The following RNF144B variants were observed in gnomAD, a reference collection of about 807,000 sequenced individuals.
RNF144B encodes the protein ring finger protein 144B.
In RNF144B, 25 loss-of-function variants were observed where a neutral mutation model predicts 40.2. The ratio of observed to expected loss-of-function variants is 0.62; its 90% CI spans 0.45 to 0.87. RNF144B has a LOEUF of 0.87. Ranked by LOEUF, RNF144B falls within the 40% of genes least tolerant of loss-of-function variation. RNF144B has a pLI of 0.00. For synonymous variants in RNF144B, 145 were observed against 136.3 expected (o/e 1.06, Z -0.44); for missense variants, 365 against 373.7 (o/e 0.98, Z 0.19).
In RNF144B at chr6:18,410,080, A is replaced by G. The variant is rs1795004679; in HGVS notation, c.165+10381A>G. ...GCCAAAGTTTAATTCTTCAAACCAC[A>G]TATCAGAATGTAATAGGCTGGCCAA... is the stretch of plus-strand genomic sequence containing the variant. On this transcript the variant is annotated intron_variant, in intron 2 of 7. Transcript: ENST00000259939. The surrounding 1 kb of genome is among the most constrained non-coding windows in gnomAD (Gnocchi z 4.6). Among the ~76,000 whole-genome samples the G allele has an allele frequency of 6.6e-6, 1 of 152,222 alleles. No homozygotes were observed. Among genetic ancestry groups the G allele is most frequent in the African/African-American group, 2.4e-5 (1 of 41,458 alleles).
At chr6:18,397,706 A>C (rs1164875938) in intron 1 of RNF144B, among the ~76,000 whole-genome samples, 2 of 151,960 alleles carry the variant, frequency 1.3e-5, no homozygotes, top group Non-Finnish European at 2.9e-5. Flanking sequence ...CATGGACTTC[A>C]ACTCTCTTTT....
intron 2 of RNF144B, among the ~76,000 whole-genome samples, chr6:18,421,273 T>TACACACACAC (rs1170609706): frequency 8.8e-5 from 9 of 102,300 alleles, no homozygotes; most frequent in Non-Finnish European, 1.2e-4. Flanking sequence ...TTATATATTA[T>TACACACACAC]ACACACACAC....
chr6:18,396,512 C>G (rs1416270448), intron 1 of RNF144B: 16 of 985,070 alleles, frequency 1.6e-5, no homozygotes, highest in Non-Finnish European at 1.8e-5. Flanking sequence ...GCTATTCACA[C>G]CAGCTTTCTC....
chr6:18,402,097 T>C lies in RNF144B; in HGVS notation c.165+2398T>C, dbSNP rs1312688399. ...TGGATTTAATAAAGCTTTAACAATA[T>C]TCTGTCATTGTCCTGTCTTCTGTAA... On this transcript the variant is annotated intron_variant, in intron 2 of 7. Transcript: ENST00000259939. 6 of 87,992 alleles carry C rather than the reference T, an allele frequency of 6.8e-5. 3 individuals are homozygous for C. Among genetic ancestry groups the C allele is most frequent in the Non-Finnish European group, 1.6e-4 (6 of 37,378 alleles). The allele number at this position is 87,992 out of a possible 1,614,324, so 5.5% of individuals were successfully genotyped here. A position where few individuals can be genotyped will look rare whatever the true frequency, so the allele number is the denominator to read the frequency against.
In RNF144B at chr6:18,422,242, G is replaced by T. The variant is rs9477739; in HGVS notation, c.166-5339G>T. ...ATTGTGCTAATAATTTAACTCAACAGCATCTAACAAAGGCAGTCTTATTCT... is the reference window on the plus strand; with the variant it reads ...ATTGTGCTAATAATTTAACTCAACATCATCTAACAAAGGCAGTCTTATTCT... On this transcript the variant is annotated intron_variant, in intron 2 of 7. Coordinates refer to ENST00000259939, the MANE Select transcript of RNF144B (RefSeq NM_182757.4). This position sits in a 1 kb window ranked among gnomAD's most constrained non-coding sequence, Gnocchi z 4.7. Among the ~76,000 whole-genome samples the T allele has an allele frequency of 0.076, 11,568 of 152,208 alleles. 568 individuals are homozygous for T. Among genetic ancestry groups the T allele is most frequent in the East Asian group, 0.15 (792 of 5,158 alleles).
rs533121297 is a variant in RNF144B at position 18,457,588 on chromosome 6, A to G, written c.536+229A>G. 6.6e-6 allele frequency among the ~76,000 whole-genome samples: 1 copy of G among 152,094 alleles called. No homozygotes were observed. The highest frequency in any genetic ancestry group is 2.1e-4 in the South Asian group (1 of 4,832). ...TATTGCTGGAATTAAAGTTTGTATG[A>G]GTTTTGCTTTCTCTTTAGGTAGTGA... On this transcript the variant is annotated intron_variant, in intron 5 of 7. Transcript: ENST00000259939. The surrounding 1 kb of genome is among the most constrained non-coding windows in gnomAD (Gnocchi z 5.1).
rs1235295809 is a variant in RNF144B, at chr6:18,460,394, T to A, written c.681+643T>A. On this transcript the variant is annotated intron_variant, in intron 6 of 7. Transcript: ENST00000259939. This position sits in a 1 kb window ranked among gnomAD's most constrained non-coding sequence, Gnocchi z 4.4. Reference sequence around the variant, plus strand: ...GGCCCATCAGGATAATGTAGGATAATCTCCTTTATCTCAAGGTTCTTAATT... The same window carrying A: ...GGCCCATCAGGATAATGTAGGATAAACTCCTTTATCTCAAGGTTCTTAATT... Among the ~76,000 whole-genome samples, 1 of 152,156 alleles carries A rather than the reference T, an allele frequency of 6.6e-6. No individual in the cohort carries two copies. Among genetic ancestry groups the A allele is most frequent in the East Asian group, 1.9e-4 (1 of 5,192 alleles).
intron 1 of RNF144B, chr6:18,396,661 A>G: frequency 2.0e-6 from 2 of 985,408 alleles, no homozygotes; most frequent in Non-Finnish European, 1.2e-6. Flanking sequence ...TGAAAGAAAG[A>G]TAATTCAGAA....
chr6:18,403,082 T>C (rs1204500151), intron 2 of RNF144B, among the ~76,000 whole-genome samples: 1 of 152,256 alleles, frequency 6.6e-6, no homozygotes, highest in Admixed American at 6.5e-5. Flanking sequence ...GTTTATGACA[T>C]GCAAAGAGTA....
At chr6:18,394,606 C>T (rs1000717705) in intron 1 of RNF144B, among the ~76,000 whole-genome samples, 4 of 135,430 alleles carry the variant, frequency 3.0e-5, no homozygotes, top group African/African-American at 8.3e-5. Flanking sequence ...CCCTACCCCC[C>T]AACCAAGAAA....
chr6:18,439,429 C>T (rs1758906192), intron 3 of RNF144B, among the ~76,000 whole-genome samples: 1 of 152,122 alleles, frequency 6.6e-6, no homozygotes, highest in African/African-American at 2.4e-5. Flanking sequence ...TAGCCACTGA[C>T]TGAAGGTAGA....
At chr6:18,439,388 C>T (rs951695764) in intron 3 of RNF144B, among the ~76,000 whole-genome samples, 1 of 151,906 alleles carries the variant, frequency 6.6e-6, no homozygotes, top group Admixed American at 6.6e-5. Flanking sequence ...TTTAGAAGTC[C>T]CTGTAATAAA....
rs141362602 is a variant in RNF144B, at chr6:18,404,427, G to A, written c.165+4728G>A. ...TGCCTGTAAGACGGAGGGAGGGAGGGGTTGACAATACCTACCTTTATTTCC... is the reference window on the plus strand; with the variant it reads ...TGCCTGTAAGACGGAGGGAGGGAGGAGTTGACAATACCTACCTTTATTTCC... On this transcript the variant is annotated intron_variant, in intron 2 of 7. Coordinates refer to ENST00000259939, the MANE Select transcript of RNF144B (RefSeq NM_182757.4). Among the ~76,000 whole-genome samples, 163 of 152,246 alleles carry A rather than the reference G, an allele frequency of 1.1e-3. 1 individual carries two copies. Among genetic ancestry groups the A allele is most frequent in the Middle Eastern group, 3.4e-3 (1 of 294 alleles).
At chr6:18,387,737 G>T (rs1023921384) in intron 1 of RNF144B, 107 bp downstream of exon 1, 2 of 957,450 alleles carry the variant, frequency 2.1e-6, no homozygotes, top group African/African-American at 1.7e-5. Context: ...ACAATTTTTC[G>T]ATTTTCTGTC....
In RNF144B at chr6:18,458,992, A is replaced by G. The variant is rs116155032; in HGVS notation, c.537-615A>G. On this transcript the variant is annotated intron_variant, in intron 5 of 7. Coordinates refer to ENST00000259939, the MANE Select transcript of RNF144B (RefSeq NM_182757.4). The surrounding 1 kb of genome is among the most constrained non-coding windows in gnomAD (Gnocchi z 4.8). Reference sequence around the variant, plus strand: ...GAGGTTATTGTTCATACGAAGTCTGATAATAGATTTGACAACACTCTGTGA... The same window carrying G: ...GAGGTTATTGTTCATACGAAGTCTGGTAATAGATTTGACAACACTCTGTGA... Among the ~76,000 whole-genome samples, 332 of 152,296 alleles carry G rather than the reference A, an allele frequency of 2.2e-3. 1 individual carries two copies. The highest frequency in any genetic ancestry group is 7.8e-3 in the African/African-American group (326 of 41,568).
intron 2 of RNF144B, among the ~76,000 whole-genome samples, chr6:18,420,820 A>G (rs1484551241): frequency 6.6e-6 from 1 of 152,182 alleles, no homozygotes; most frequent in Non-Finnish European, 1.5e-5. Flanking sequence ...ATATCAAACT[A>G]TTTTAAAATT....
intron 4 of RNF144B, among the ~76,000 whole-genome samples, chr6:18,453,137 C>CTT (rs33972716): frequency 0.17 from 17,384 of 103,298 alleles, 2,165 homozygotes; most frequent in East Asian, 0.23. Context: ...TTTCTGTCTG[C>CTT]TTTTTTTTTT....
At position 18,398,164 on chromosome 6, in the gene RNF144B, C is replaced by A. The variant is rs9371055; in HGVS notation, c.-36-1335C>A. Reference sequence around the variant, plus strand: ...CTTCATTTCCCCCTCCCACCAGCCCCTGGTAACCTCTATTCTTCTTTTTGT... The same window carrying A: ...CTTCATTTCCCCCTCCCACCAGCCCATGGTAACCTCTATTCTTCTTTTTGT... On this transcript the variant is annotated intron_variant, in intron 1 of 7. Transcript: ENST00000259939. The surrounding 1 kb of genome is among the most constrained non-coding windows in gnomAD (Gnocchi z 5.0). Among the ~76,000 whole-genome samples, 2 of 151,962 alleles carry A rather than the reference C, an allele frequency of 1.3e-5. No homozygotes were observed. Among genetic ancestry groups the A allele is most frequent in the African/African-American group, 2.4e-5 (1 of 41,394 alleles).
rs1173119873 is a variant in RNF144B at position 18,441,010 on chromosome 6, G to C, written c.331+1266G>C. 6.6e-6 allele frequency among the ~76,000 whole-genome samples: 1 copy of C among 152,042 alleles called. No homozygotes were observed. The highest frequency in any genetic ancestry group is 1.5e-5 in the Non-Finnish European group (1 of 68,004). On this transcript the variant is annotated intron_variant, in intron 4 of 7. Coordinates refer to ENST00000259939, the MANE Select transcript of RNF144B (RefSeq NM_182757.4). The surrounding 1 kb of genome is among the most constrained non-coding windows in gnomAD (Gnocchi z 4.9). ...TGTTGAACATGGAATCAGAACCAGG[G>C]AGTCAGAAGGATTTTTGGTTTAATG... is the stretch of plus-strand genomic sequence containing the variant.
Sources: gnomAD v4.1 joint callset for allele counts (sites outside exome capture counted in the v4.1 genomes callset) on GRCh38, gnomAD v4.1.1 for gene constraint, Gnocchi (gnomAD v3.1) non-coding constraint, MANE v1.5 for transcripts, NCBI Gene and HGNC (gene_info 2026-07-23, HGNC 2026-07-21) for gene names.